ERMP1: variants seen among roughly 807,000 people sequenced by gnomAD.
ERMP1 encodes the protein Felix-ina.
In ERMP1, 86 loss-of-function variants were observed where a neutral mutation model predicts 92.0. The ratio of observed to expected loss-of-function variants is 0.93; its 90% CI spans 0.79 to 1.12. The LOEUF (loss-of-function observed/expected upper bound fraction) is 1.12. Ranked by LOEUF, ERMP1 falls within the 50% of genes most tolerant of loss-of-function variation. ERMP1 has a pLI of 0.00. For missense variants in ERMP1, 1,342 were observed against 1,116.3 expected, an observed-to-expected ratio of 1.20 and a Z score of -2.88; for synonymous variants, 530 against 412.8, an observed-to-expected ratio of 1.28 and a Z score of -3.44.
chr9:5,843,747 C>T (rs530845729), intron 6 of ERMP1, among the ~76,000 whole-genome samples: 4 of 152,338 alleles, frequency 2.6e-5, no homozygotes, highest in Non-Finnish European at 4.4e-5. Flanking sequence ...TCTGCTACAA[C>T]AAATGTTCTG....
rs190391804 is a variant in ERMP1 at position 5,826,124 on chromosome 9, G to C, written c.641-905C>G. Among the ~76,000 whole-genome samples the C allele has an allele frequency of 4.6e-5, 7 of 152,332 alleles. No individual in the cohort carries two copies. The East Asian group carries it at 1.3e-3, about 29-fold the overall frequency. On this transcript the variant is annotated intron_variant, in intron 2 of 14. Coordinates refer to ENST00000339450, the MANE Select transcript of ERMP1 (RefSeq NM_024896.3). ...AAATAATCAAGAAGTTGGGAGGGTAGTGGTAGGAAAGAAACAAGATCAGAC... is the reference window on the plus strand; with the variant it reads ...AAATAATCAAGAAGTTGGGAGGGTACTGGTAGGAAAGAAACAAGATCAGAC...
intron 6 of ERMP1, among the ~76,000 whole-genome samples, chr9:5,853,248 T>C (rs1295851944): frequency 6.6e-6 from 1 of 152,140 alleles, no homozygotes; most frequent in Non-Finnish European, 1.5e-5. Context: ...CAAAGGGAAA[T>C]TTATGTCCTG....
At chr9:5,826,193 T>C (rs1752023507) in intron 2 of ERMP1, among the ~76,000 whole-genome samples, 1 of 152,212 alleles carries the variant, frequency 6.6e-6, no homozygotes. Flanking sequence ...ATTAAACAAT[T>C]CTGCTTTTGA....
rs985439410 is a variant in ERMP1 at position 5,785,550 on chromosome 9, G to T, written c.*1594C>A. On this transcript the variant is annotated 3_prime_UTR_variant, in exon 15 of 15. Transcript: ENST00000339450. Reference sequence around the variant, plus strand: ...AACATGTTATTCAGCTCTGGTTGCAGCCCCATCTACATGGGCCCAGTTAGT... The same window carrying T: ...AACATGTTATTCAGCTCTGGTTGCATCCCCATCTACATGGGCCCAGTTAGT... The T allele has an allele frequency of 1.9e-4, 29 of 152,452 alleles. No homozygotes were observed. Among genetic ancestry groups the T allele is most frequent in the African/African-American group, 6.3e-4 (26 of 41,448 alleles). 9.4% of individuals were successfully genotyped at this position (152,452 alleles called of 1,614,324 possible).
intron 12 of ERMP1, 89 bp from the exon 13 acceptor site, chr9:5,798,021 AT>A: frequency 1.2e-6 from 1 of 801,310 alleles, no homozygotes; most frequent in Non-Finnish European, 2.1e-6. Flanking sequence ...ATATGAACAC[AT>A]TTTTGGGTAT....
rs374951871 is a variant in ERMP1 at position 5,813,008 on chromosome 9, G to A, written c.902C>T (p.Ala301Val). ...AGGGTGTTTAGCTGCTGAAACATAAGCTTGAACCAACCAAGGATTTTCAGG... is the reference window on the plus strand; with the variant it reads ...AGGGTGTTTAGCTGCTGAAACATAAACTTGAACCAACCAAGGATTTTCAGG... The part of the protein sequence containing the change: ...TGPENPWLVQ[A>V]YVSAAKHPFA... Residue 301 changes from alanine (A) to valine (V), a missense_variant, in exon 5 of 15, where the codon GCT becomes GTT. Transcript: ENST00000339450. 28 of 1,614,006 alleles carry A rather than the reference G, an allele frequency of 1.7e-5. No individual in the cohort carries two copies. The highest frequency in any genetic ancestry group is 2.3e-5 in the Non-Finnish European group (27 of 1,179,914).
chr9:5,850,472 G>T (rs1439937876), intron 6 of ERMP1, among the ~76,000 whole-genome samples: 3 of 151,084 alleles, frequency 2.0e-5, no homozygotes, highest in Admixed American at 6.6e-5. Context: ...CTGGCCTTCT[G>T]GGGTGGTTGG....
At chr9:5,791,115 C>A (rs1828175691) in intron 13 of ERMP1, 3 of 410,058 alleles carry the variant, frequency 7.3e-6, no homozygotes, top group South Asian at 1.8e-5. Flanking sequence ...GCTGCAGGAA[C>A]AGTTGAAGTG....
chr9:5,791,183 G>T (rs938712641), intron 13 of ERMP1: 20 of 456,356 alleles, frequency 4.4e-5, no homozygotes, highest in Non-Finnish European at 7.9e-5. Flanking sequence ...GAGAGAAAGA[G>T]AGAGAGAGAC....
At chr9:5,810,254 T>G (rs773347409) in intron 7 of ERMP1, 23 bp from the exon 8 acceptor site, 2 of 1,559,934 alleles carry the variant, frequency 1.3e-6, no homozygotes, top group Non-Finnish European at 1.8e-6. Flanking sequence ...AAACAAAAAG[T>G]TGAAATCACC....
Position 5,787,166 on chromosome 9 carries a change from G to C in ERMP1, c.2693C>G (p.Thr898Ser), listed in dbSNP as rs758241482. The change falls in exon 15 of 15, where the codon ACC (threonine) becomes AGC (serine). Residue 898 changes from threonine (T) to serine (S), a missense_variant. By Grantham distance (58) the Thr-to-Ser change is moderately conservative. Coordinates refer to ENST00000339450, the MANE Select transcript of ERMP1 (RefSeq NM_024896.3). ...AGATTAAAATACAAAGAGATCGTAG[G>C]TGCACACCCAGGCAGAGGGAAATGT... Reference protein sequence around the residue: ...DWTFPSAWVCTYDLFVF With the variant: ...DWTFPSAWVCSYDLFVF 5 of 1,613,862 alleles carry C rather than the reference G, an allele frequency of 3.1e-6. No homozygotes were observed. Among genetic ancestry groups the C allele is most frequent in the Admixed American group, 1.7e-5 (1 of 60,016 alleles).
At chr9:5,803,984 G>A (rs1031825278) in intron 10 of ERMP1, among the ~76,000 whole-genome samples, 2 of 152,102 alleles carry the variant, frequency 1.3e-5, no homozygotes, top group African/African-American at 2.4e-5. Context: ...CTGGCTATAA[G>A]GGACTTCCAC....
At chr9:5,806,009 A>C (rs889225358) in intron 8 of ERMP1, among the ~76,000 whole-genome samples, 3 of 152,232 alleles carry the variant, frequency 2.0e-5, no homozygotes, top group African/African-American at 7.2e-5. Flanking sequence ...AATATAGAGT[A>C]TAAATGCTCC....
chr9:5,794,517 A>C (rs1379032676), intron 13 of ERMP1, among the ~76,000 whole-genome samples: 2 of 152,084 alleles, frequency 1.3e-5, no homozygotes, highest in African/African-American at 2.4e-5. Context: ...CAGGCAGAGA[A>C]AAAAAGAAAA....
intron 2 of ERMP1, among the ~76,000 whole-genome samples, chr9:5,828,370 C>T (rs1004340083): frequency 6.6e-6 from 1 of 152,174 alleles, no homozygotes; most frequent in African/African-American, 2.4e-5. Context: ...TGCCTAAAAG[C>T]AGGGTATACA....
At chr9:5,795,490 A>T (rs1828384318) in intron 13 of ERMP1, among the ~76,000 whole-genome samples, 2 of 152,234 alleles carry the variant, frequency 1.3e-5, no homozygotes, top group South Asian at 4.1e-4. Context: ...TAGAATCTTA[A>T]AAGAATAGGC....
At chr9:5,842,519 A>G (rs542132407) in intron 6 of ERMP1, among the ~76,000 whole-genome samples, 65 of 152,336 alleles carry the variant, frequency 4.3e-4, no homozygotes, top group Non-Finnish European at 5.3e-4. Context: ...ACAACATTAT[A>G]AAGTACTAAA....
chr9:5,818,586 G>A (rs1479357325), intron 4 of ERMP1, among the ~76,000 whole-genome samples: 1 of 151,788 alleles, frequency 6.6e-6, no homozygotes, highest in Non-Finnish European at 1.5e-5. Context: ...ATGGTGGCAC[G>A]TGCCTGTCAT....
At position 5,832,388 on chromosome 9, in the gene ERMP1, T is replaced by C. The variant is rs978878375; in HGVS notation, c.338+302A>G. ...AAAAAGGGGAAGCTGTTCCAGAATA[T>C]GGGGAGACGACTCACAACCAACCAT... is the stretch of plus-strand genomic sequence containing the variant. On this transcript the variant is annotated intron_variant, in intron 1 of 14. Transcript: ENST00000339450. 1.6e-5 allele frequency: 6 copies of C among 369,562 alleles called. No individual in the cohort carries two copies. The East Asian group carries it at 2.2e-4, about 14-fold the overall frequency. 22.9% of individuals were successfully genotyped at this position (369,562 alleles called of 1,614,324 possible).
Sources: allele counts gnomAD v4.1 joint callset (sites outside exome capture counted in the v4.1 genomes callset), GRCh38; gene constraint gnomAD v4.1.1; transcripts MANE v1.5; gene names NCBI Gene and HGNC (gene_info 2026-07-23, HGNC 2026-07-21).